TLE2: variants seen among roughly 807,000 people sequenced by gnomAD.
TLE2 encodes the protein transducin-like enhancer protein 2.
TLE2 carries 74 observed loss-of-function variants against 97.2 expected under a neutral mutation model. That is an observed-to-expected ratio of 0.76 (90% CI 0.63 to 0.92). The LOEUF is 0.92. Ranked by LOEUF, TLE2 falls within the 40% of genes least tolerant of loss-of-function variation. The pLI is 0.00. For missense variants in TLE2, 1,038 were observed against 1,008.7 expected, an observed-to-expected ratio of 1.03 and a Z score of -0.39; for synonymous variants, 499 against 432.1, an observed-to-expected ratio of 1.15 and a Z score of -1.92.
intron 4 of TLE2, among the ~76,000 whole-genome samples, chr19:3,026,272 C>A (rs920085253): frequency 6.6e-6 from 1 of 151,804 alleles, no homozygotes; most frequent in East Asian, 1.9e-4. Context: ...CATGGAGAAA[C>A]CCCGTCTCTA....
At chr19:3,027,109 C>G (rs554474244) in intron 4 of TLE2, among the ~76,000 whole-genome samples, 5 of 152,130 alleles carry the variant, frequency 3.3e-5, no homozygotes, top group African/African-American at 1.2e-4. Context: ...ATCTCAGAAC[C>G]CTGAGGTCTA....
In TLE2 at chr19:3,005,795, G is replaced by A. The variant is rs1296102988; in HGVS notation, c.1674C>T (p.Asp558=). The A allele has an allele frequency of 3.7e-6, 6 of 1,613,890 alleles. No homozygotes were observed. The highest frequency in any genetic ancestry group is 1.6e-4 in the Middle Eastern group (1 of 6,084). Residue 558 remains aspartate, a synonymous_variant, in exon 16 of 20, where the codon GAC becomes GAT. Transcript: ENST00000262953. ...PACYALAVSP[D]AKVCFSCCSD... ...TGCAGCAGGAGAAGCAAACCTTGGCGTCGGGGCTGACGGCCAGGGCGTAGC... is the reference window on the plus strand; with the variant it reads ...TGCAGCAGGAGAAGCAAACCTTGGCATCGGGGCTGACGGCCAGGGCGTAGC...
At position 3,006,775 on chromosome 19, in the gene TLE2, GTTTT is replaced by G. The variant is rs1599203547; in HGVS notation, c.1251-110_1251-107del. On this transcript the variant is annotated intron_variant, in intron 14 of 19. Transcript: ENST00000262953. Reference sequence around the variant, plus strand: ...TGTCCTGCCTGGCACCCTCTGATGTGTTTTTTATTTTTTGTTTTGTTTTTTGAGA... The same window carrying G: ...TGTCCTGCCTGGCACCCTCTGATGTGTTATTTTTTGTTTTGTTTTTTGAGA... 5.6e-6 allele frequency: 8 copies of G among 1,440,176 alleles called. No individual in the cohort carries two copies. In the East Asian group the frequency reaches 7.3e-5, roughly 13 times the overall value. The allele number at this position is 1,440,176 out of a possible 1,614,324, so 89.2% of individuals were successfully genotyped here.
intron 8 of TLE2, 69 bp downstream of exon 8, chr19:3,017,768 GCCC>G (rs1302053305): frequency 1.4e-6 from 2 of 1,445,346 alleles, no homozygotes; most frequent in Non-Finnish European, 1.9e-6. Context: ...TCATTCTGAG[GCCC>G]CCATCAGCTC....
intron 1 of TLE2, among the ~76,000 whole-genome samples, chr19:3,043,419 C>T (rs1485060157): frequency 1.4e-5 from 2 of 146,394 alleles, no homozygotes; most frequent in Non-Finnish European, 3.0e-5. Context: ...CCTCGTGATC[C>T]GCCCGCTTCA....
chr19:3,033,061 G>A (rs925449730), upstream of TLE2, among the ~76,000 whole-genome samples: 2 of 151,882 alleles, frequency 1.3e-5, no homozygotes, highest in African/African-American at 2.4e-5. Flanking sequence ...AGCCTCTCAA[G>A]TAGCTGGGAT....
rs748384605 is a variant in TLE2 at position 3,005,494 on chromosome 19, C to T, written c.1839G>A (p.Val613=). The change falls in exon 17 of 20, where the codon GTG becomes GTA. Residue 613 remains valine (V), a synonymous_variant. Coordinates refer to ENST00000262953, the MANE Select transcript of TLE2 (RefSeq NM_003260.5). ...RLWTGGLDNT[V]RCWDLREGRQ... ...GGCCCTCCCGCAGGTCCCAGCAGCG[C>T]ACCGTGTTGTCCAGGCCCCCTGTCC... The T allele has an allele frequency of 6.2e-7, 1 of 1,613,788 alleles. No individual in the cohort carries two copies. Among genetic ancestry groups the T allele is most frequent in the South Asian group, 1.1e-5 (1 of 91,058 alleles).
At chr19:3,025,142 G>T (rs1210260838) in intron 4 of TLE2, 60 bp from the exon 5 acceptor site, 2 of 1,495,916 alleles carry the variant, frequency 1.3e-6, no homozygotes, top group African/African-American at 2.8e-5. Context: ...CCCAGCTCTG[G>T]ACTCCCAGGC....
chr19:3,041,014 T>TATATATATATGTATATATA (rs55998855), intron 1 of TLE2, among the ~76,000 whole-genome samples: 4 of 20,166 alleles, frequency 2.0e-4, no homozygotes, highest in Admixed American at 8.4e-4. Flanking sequence ...TATATATATA[T>TATATATATATGTATATATA]TTTTTTTTTT....
upstream of TLE2, among the ~76,000 whole-genome samples, chr19:3,032,077 C>T (rs1392735038): frequency 6.6e-6 from 1 of 151,478 alleles, no homozygotes; most frequent in Non-Finnish European, 1.5e-5. The surrounding 1 kb of genome is among the most constrained non-coding windows in gnomAD (Gnocchi z 4.1). Context: ...ATTACAGGCT[C>T]CCGCCGCCAT....
chr19:3,019,285 C>G lies in TLE2; in HGVS notation c.548G>C (p.Arg183Thr). The change falls in exon 7 of 20, where the codon AGA becomes ACA. Residue 183 changes from arginine (R) to threonine (T), a missense_variant and splice_region_variant. Arg to Thr is a moderately conservative substitution (Grantham distance 71). Coordinates refer to ENST00000262953, the MANE Select transcript of TLE2 (RefSeq NM_003260.5). This position sits in a 1 kb window ranked among gnomAD's most constrained non-coding sequence, Gnocchi z 5.1. Reference protein sequence around the residue: ...DRAGVEAEGSRVERAPSRSAS... With the variant: ...DRAGVEAEGSTVERAPSRSAS... ...GCCACCCCGTGCTGCCCACTCACCT[C>G]TGGACCCCTCGGCCTCCACGCCCGC... 6.4e-7 allele frequency: 1 copy of G among 1,574,296 alleles called. No homozygotes were observed. The highest frequency in any genetic ancestry group is 8.6e-7 in the Non-Finnish European group (1 of 1,168,516).
chr19:3,011,308 A>T, intron 11 of TLE2, 148 bp from the exon 12 acceptor site: 3 of 816,252 alleles, frequency 3.7e-6, no homozygotes, highest in Non-Finnish European at 5.5e-6. Context: ...CGGGCGGATC[A>T]CCTGAGGTCA....
chr19:3,045,023 G>A (rs891738294), intron 1 of TLE2, among the ~76,000 whole-genome samples: 4 of 152,088 alleles, frequency 2.6e-5, no homozygotes, highest in Non-Finnish European at 2.9e-5. Flanking sequence ...TTTCAGACCA[G>A]CCTGGCCAAC....
In TLE2 at chr19:3,019,234, T is replaced by C; in HGVS notation, c.550+49A>G. The stretch of plus-strand genomic sequence containing the variant: ...TGCTACCCTGGACTGCCAGTCGTCC[T>C]CCCCAGCCCCGTCTCCCCAGCCAAT... On this transcript the variant is annotated intron_variant, in intron 7 of 19. Coordinates refer to ENST00000262953, the MANE Select transcript of TLE2 (RefSeq NM_003260.5). This position sits in a 1 kb window ranked among gnomAD's most constrained non-coding sequence, Gnocchi z 5.1. 6.5e-7 allele frequency: 1 copy of C among 1,540,166 alleles called. No homozygotes were observed. The highest frequency in any genetic ancestry group is 2.4e-5 in the East Asian group (1 of 41,128).
At chr19:3,006,294 C>T in intron 15 of TLE2, 126 bp downstream of exon 15, 1 of 1,426,224 alleles carries the variant, frequency 7.0e-7, no homozygotes, top group Non-Finnish European at 9.5e-7. Context: ...AGCTCCGCCC[C>T]TCACCTATAA....
chr19:3,037,051 G>A (rs2090068344), intron 1 of TLE2, among the ~76,000 whole-genome samples: 1 of 152,226 alleles, frequency 6.6e-6, no homozygotes, highest in East Asian at 1.9e-4. Flanking sequence ...TCAGGAGGCC[G>A]AGGCAGGCGG....
chr19:3,018,660 G>C (rs990541505), intron 7 of TLE2, among the ~76,000 whole-genome samples: 10 of 146,196 alleles, frequency 6.8e-5, no homozygotes, highest in Non-Finnish European at 1.0e-4. Context: ...TCTCACTCAG[G>C]CTGGAGTACA....
intron 12 of TLE2, among the ~76,000 whole-genome samples, 168 bp downstream of exon 12, chr19:3,010,854 T>G (rs894319592): frequency 1.3e-5 from 2 of 151,994 alleles, no homozygotes; most frequent in African/African-American, 4.8e-5. Context: ...GCTGACACAA[T>G]GAGGAACTGC....
At chr19:3,031,060 G>A (rs73919266), upstream of TLE2, among the ~76,000 whole-genome samples, 7,569 of 152,100 alleles carry the variant, frequency 0.05, 540 homozygotes, top group African/African-American at 0.15. Context: ...CACAGGGATT[G>A]TAAGGGTGGA....
Sources: allele counts gnomAD v4.1 joint callset (sites outside exome capture counted in the v4.1 genomes callset), GRCh38; gene constraint gnomAD v4.1.1; non-coding constraint Gnocchi (gnomAD v3.1); transcripts MANE v1.5; gene names NCBI Gene and HGNC (gene_info 2026-07-23, HGNC 2026-07-21).